The following MOV10L1 variants were observed in gnomAD, a reference collection of about 807,000 sequenced individuals.
MOV10L1 encodes the protein Mov10 like RNA helicase 1.
Under a neutral mutation model 143.8 loss-of-function variants are expected in MOV10L1, and 110 were observed. That is an observed-to-expected ratio of 0.76 (90% CI 0.66 to 0.90). The LOEUF (loss-of-function observed/expected upper bound fraction) is 0.90. Ranked by LOEUF, MOV10L1 falls within the 40% of genes least tolerant of loss-of-function variation. The pLI is 0.00. For missense variants in MOV10L1, 1,406 were observed against 1,526.8 expected (o/e 0.92, Z 1.32); for synonymous variants, 593 against 581.1 (o/e 1.02, Z -0.29).
intron 12 of MOV10L1, among the ~76,000 whole-genome samples, chr22:50,126,779 C>T (rs2062519766): frequency 6.6e-6 from 1 of 152,048 alleles, no homozygotes; most frequent in Non-Finnish European, 1.5e-5. Flanking sequence ...ATCTGTGCAT[C>T]AGAGAAGATG....
At chr22:50,131,193 C>T (rs1395132583) in intron 13 of MOV10L1, among the ~76,000 whole-genome samples, 1 of 152,000 alleles carries the variant, frequency 6.6e-6, no homozygotes, top group African/African-American at 2.4e-5. Context: ...CAGGTGTGGG[C>T]CACCACACCC....
intron 15 of MOV10L1, among the ~76,000 whole-genome samples, chr22:50,136,079 A>G (rs1374642161): frequency 6.6e-6 from 1 of 152,254 alleles, no homozygotes; most frequent in Non-Finnish European, 1.5e-5. Flanking sequence ...GAATGCCTAT[A>G]CAATCATGGA....
At chr22:50,090,543 C>A in intron 1 of MOV10L1, 2 of 1,599,792 alleles carry the variant, frequency 1.3e-6, no homozygotes, top group Non-Finnish European at 1.7e-6. Context: ...AAAACGCGGC[C>A]CCGCAGACTT....
chr22:50,149,845 T>C, intron 20 of MOV10L1, 131 bp downstream of exon 20: 2 of 709,044 alleles, frequency 2.8e-6, no homozygotes, highest in Non-Finnish European at 4.7e-6. Context: ...CCCCGAGGTG[T>C]TGGGGGCCAT....
intron 15 of MOV10L1, among the ~76,000 whole-genome samples, chr22:50,136,796 G>C (rs1400247044): frequency 6.6e-6 from 1 of 152,190 alleles, no homozygotes; most frequent in African/African-American, 2.4e-5. Context: ...TGCATGATGT[G>C]AGTAAAATAC....
At position 50,159,064 on chromosome 22, in the gene MOV10L1, A is replaced by G. The variant is rs551176395; in HGVS notation, c.3217-614A>G. 6.6e-6 allele frequency: 1 copy of G among 152,264 alleles called. No homozygotes were observed. The highest frequency in any genetic ancestry group is 6.5e-5 in the Admixed American group (1 of 15,292). 9.4% of individuals were successfully genotyped at this position (152,264 alleles called of 1,614,324 possible). On this transcript the variant is annotated intron_variant, in intron 23 of 26. Coordinates refer to ENST00000262794, the MANE Select transcript of MOV10L1 (RefSeq NM_018995.3). The surrounding 1 kb of genome is among the most constrained non-coding windows in gnomAD (Gnocchi z 4.1). ...GCTTAGAGCTGCCATCCTCAGCTCT[A>G]AGCATCAGACATGCATCTCGTTTCT... is the stretch of plus-strand genomic sequence containing the variant.
At chr22:50,132,272 A>T (rs891378823) in intron 13 of MOV10L1, among the ~76,000 whole-genome samples, 1 of 152,152 alleles carries the variant, frequency 6.6e-6, no homozygotes, top group African/African-American at 2.4e-5. Context: ...TTCCTTTTCA[A>T]GGTTGTCTGG....
intron 2 of MOV10L1, chr22:50,093,385 G>A (rs1378602790): frequency 1.3e-5 from 2 of 152,074 alleles, no homozygotes; most frequent in Non-Finnish European, 2.9e-5. Context: ...TTCATTTTTT[G>A]TAGTTAAGTG....
At chr22:50,132,578 A>G (rs1012677032) in intron 13 of MOV10L1, among the ~76,000 whole-genome samples, 1 of 152,232 alleles carries the variant, frequency 6.6e-6, no homozygotes, top group Non-Finnish European at 1.5e-5. Flanking sequence ...TATAAACAGT[A>G]AATTTAACTT....
intron 3 of MOV10L1, among the ~76,000 whole-genome samples, chr22:50,102,452 A>T (rs2061769513): frequency 6.6e-6 from 1 of 152,236 alleles, no homozygotes; most frequent in Non-Finnish European, 1.5e-5. Context: ...AGGAAGAATT[A>T]TGCTAAATTT....
chr22:50,149,567 G>A (rs762154761), intron 19 of MOV10L1, 48 bp from the exon 20 acceptor site: 1 of 1,590,958 alleles, frequency 6.3e-7, no homozygotes, highest in Non-Finnish European at 8.6e-7. Flanking sequence ...GGCATCAATT[G>A]CTAAAACAAT....
intron 21 of MOV10L1, 112 bp downstream of exon 21, chr22:50,151,011 A>G (rs1398908854): frequency 1.5e-6 from 2 of 1,352,950 alleles, no homozygotes; most frequent in Non-Finnish European, 2.0e-6. Context: ...CCGTGGGCAG[A>G]GTGCAGGGGA....
chr22:50,131,143 T>C (rs987720988), intron 13 of MOV10L1, among the ~76,000 whole-genome samples: 2 of 151,612 alleles, frequency 1.3e-5, no homozygotes, highest in Non-Finnish European at 2.9e-5. Context: ...CTCCTGACCT[T>C]GTGATCTGCC....
At chr22:50,090,439 G>T in intron 1 of MOV10L1, 1 of 1,601,024 alleles carries the variant, frequency 6.2e-7, no homozygotes, top group Non-Finnish European at 8.5e-7. Flanking sequence ...CCCTCACTTT[G>T]TGTGTTTACG....
intron 2 of MOV10L1, chr22:50,095,214 C>G (rs1285484173): frequency 2.0e-5 from 3 of 152,198 alleles, no homozygotes; most frequent in African/African-American, 7.2e-5. Context: ...CCTGCACTTT[C>G]ATGCTGCAGA....
rs1307426845 is a variant in MOV10L1, at chr22:50,115,111, C to G, written c.1127-3C>G. 9 of 1,563,704 alleles carry G rather than the reference C, an allele frequency of 5.8e-6. No homozygotes were observed. Among genetic ancestry groups the G allele is most frequent in the African/African-American group, 1.4e-5 (1 of 71,034 alleles). ...ACTTTTGTATTAAAATTTTATTTCC[C>G]AGGTGATTGTACCTGTAAAGGAGAA... On this transcript the variant is annotated splice_polypyrimidine_tract_variant and splice_region_variant and intron_variant, in intron 7 of 26. Coordinates refer to ENST00000262794, the MANE Select transcript of MOV10L1 (RefSeq NM_018995.3).
chr22:50,141,787 A>G (rs2062995714), intron 15 of MOV10L1, among the ~76,000 whole-genome samples: 2 of 152,310 alleles, frequency 1.3e-5, no homozygotes, highest in Admixed American at 1.3e-4. Flanking sequence ...AGGATGTACC[A>G]AGGGAAGATG....
rs148358948 is a variant in MOV10L1 at position 50,144,159 on chromosome 22, C to T, written c.2421C>T (p.Asp807=). ...GTGCGCCCTCCAACAGTGCTGCTGACCTCGTGTGTCTGCGGCTGCACGAGA... is the reference window on the plus strand; with the variant it reads ...GTGCGCCCTCCAACAGTGCTGCTGATCTCGTGTGTCTGCGGCTGCACGAGA... ...LVCAPSNSAA[D]LVCLRLHESK... is the part of the protein sequence containing the mutation. The change falls in exon 18 of 27, where the codon GAC becomes GAT. Residue 807 remains aspartate (D), a synonymous_variant. Transcript: ENST00000262794. 113 of 1,613,658 alleles carry T rather than the reference C, an allele frequency of 7.0e-5. 1 individual carries two copies. In the African/African-American group the frequency reaches 1.1e-3, roughly 16 times the overall value.
chr22:50,108,604 C>A lies in MOV10L1; in HGVS notation c.556-53C>A. The stretch of plus-strand genomic sequence containing the variant: ...GACTTGGGCGTGTGTTAGAGCTGCG[C>A]CCTGTCGTCATGCAGCATCTGCTTC... On this transcript the variant is annotated intron_variant, in intron 4 of 26. Transcript: ENST00000262794. 3.8e-6 allele frequency: 6 copies of A among 1,593,116 alleles called. 1 individual carries two copies. Among genetic ancestry groups the A allele is most frequent in the South Asian group, 2.2e-5 (2 of 89,086 alleles).
Sources: allele counts gnomAD v4.1 joint callset (sites outside exome capture counted in the v4.1 genomes callset), GRCh38; gene constraint gnomAD v4.1.1; non-coding constraint Gnocchi (gnomAD v3.1); transcripts MANE v1.5; gene names NCBI Gene and HGNC (gene_info 2026-07-23, HGNC 2026-07-21).